The following DNAJB11 variants were observed in gnomAD, a reference collection of about 807,000 sequenced individuals.
DNAJB11 encodes the protein dnaJ homolog subfamily B member 11.
DNAJB11 carries 30 observed loss-of-function variants against 47.2 expected under a neutral mutation model. The observed-to-expected ratio is 0.64, with a 90% CI of 0.48 to 0.86. The LOEUF (loss-of-function observed/expected upper bound fraction) is 0.86. Among genes scored for constraint, DNAJB11 ranks in the 40% least tolerant of loss-of-function variants. The pLI is 0.00. For missense variants in DNAJB11, 357 were observed against 440.2 expected, an observed-to-expected ratio of 0.81 and a Z score of 1.69; for synonymous variants, 151 against 159.9, an observed-to-expected ratio of 0.94 and a Z score of 0.42.
intron 4 of DNAJB11, chr3:186,580,493 G>A (rs1355367039): frequency 6.6e-6 from 1 of 152,168 alleles, no homozygotes; most frequent in East Asian, 1.9e-4. Context: ...CCTGTAAAAT[G>A]GGGATAATAA....
At chr3:186,576,500 T>C (rs1333100945) in intron 3 of DNAJB11, among the ~76,000 whole-genome samples, 1 of 152,232 alleles carries the variant, frequency 6.6e-6, no homozygotes, top group East Asian at 1.9e-4. Flanking sequence ...CCCTGATGAT[T>C]ACATATACTA....
intron 9 of DNAJB11, among the ~76,000 whole-genome samples, chr3:186,584,811 A>G (rs1410653179): frequency 6.6e-6 from 1 of 152,214 alleles, no homozygotes; most frequent in East Asian, 1.9e-4. Flanking sequence ...GCTGTGCTTC[A>G]AAACCTAGGG....
In DNAJB11 at chr3:186,581,496, C is replaced by T. The variant is rs138789127; in HGVS notation, c.582C>T (p.Asp194=). The change falls in exon 5 of 10, where the codon GAC becomes GAT. Residue 194 remains aspartate (D), a synonymous_variant. Transcript: ENST00000265028. Reference sequence around the variant, plus strand: ...AAATGACCCAGGAGGTGGTCTGCGACGAATGCCCTAATGTCAAGTAAGTGA... The same window carrying T: ...AAATGACCCAGGAGGTGGTCTGCGATGAATGCCCTAATGTCAAGTAAGTGA... ...RFQMTQEVVC[D]ECPNVKLVNE... 3.2e-5 allele frequency: 52 copies of T among 1,612,844 alleles called. No individual in the cohort carries two copies. The highest frequency in any genetic ancestry group is 1.3e-4 in the African/African-American group (10 of 74,628).
intron 3 of DNAJB11, 26 bp from the exon 4 acceptor site, chr3:186,577,642 C>A: frequency 1.0e-5 from 13 of 1,284,448 alleles, no homozygotes; most frequent in East Asian, 3.1e-5. Context: ...TTTTTTTTTT[C>A]CTGATGATTT....
intron 6 of DNAJB11, 111 bp downstream of exon 6, chr3:186,582,188 C>A: frequency 1.2e-6 from 1 of 811,758 alleles, no homozygotes; most frequent in Non-Finnish European, 2.0e-6. Context: ...ATAGTAAACG[C>A]ATATATAATT....
Position 186,572,119 on chromosome 3 carries a change from G to A in DNAJB11, c.93G>A (p.Gly31=), listed in dbSNP as rs1187285940. The change falls in exon 2 of 10, where the codon GGG becomes GGA. Residue 31 remains glycine (G), a synonymous_variant. Transcript: ENST00000265028. ...GACGAGATTTCTATAAGATCTTGGG[G>A]GTGCCTCGAAGTGCCTCTATAAAGG... ...IAGRDFYKIL[G]VPRSASIKDI... 1.3e-6 allele frequency: 2 copies of A among 1,597,078 alleles called. No homozygotes were observed. The highest frequency in any genetic ancestry group is 2.2e-5 in the East Asian group (1 of 44,600).
Position 186,570,765 on chromosome 3 carries a change from T to A in DNAJB11, c.-133T>A, listed in dbSNP as rs1395130388. 7.8e-6 allele frequency: 6 copies of A among 769,636 alleles called. No individual in the cohort carries two copies. Among genetic ancestry groups the A allele is most frequent in the Non-Finnish European group, 1.3e-5 (6 of 466,498 alleles). The allele number at this position is 769,636 out of a possible 1,614,324, so 47.7% of individuals were successfully genotyped here. A position where few individuals can be genotyped will look rare whatever the true frequency, so the allele number is the denominator to read the frequency against. On this transcript the variant is annotated 5_prime_UTR_variant, in exon 1 of 10. Transcript: ENST00000265028. ...CAGAAGAGGGGGCTAGCTAGCTGTC[T>A]CTGCGGACCAAGGAGACCCCCGCGC...
chr3:186,572,336 C>A, intron 2 of DNAJB11, 85 bp downstream of exon 2: 1 of 1,228,030 alleles, frequency 8.1e-7, no homozygotes, highest in Non-Finnish European at 1.1e-6. Flanking sequence ...CCTTTCAGCT[C>A]ACATTTATTT....
chr3:186,582,977 CA>C (rs760337046), intron 7 of DNAJB11, among the ~76,000 whole-genome samples: 6 of 151,940 alleles, frequency 3.9e-5, no homozygotes, highest in Non-Finnish European at 7.4e-5. Flanking sequence ...CTTAAAAATG[CA>C]AAAGATGTTG....
intron 2 of DNAJB11, among the ~76,000 whole-genome samples, chr3:186,574,973 GT>G (rs3836540): frequency 1.3e-5 from 2 of 151,434 alleles, no homozygotes; most frequent in African/African-American, 2.4e-5. Context: ...AAAAGAGAAA[GT>G]TTTTTTTTGC....
rs745798342 is a variant in DNAJB11, at chr3:186,584,617, G to GTGTGTGTGTGTGTGTGTT, written c.1012+33_1012+34insGTGTGTGTGTGTTTGTGT. On this transcript the variant is annotated intron_variant, in intron 9 of 9. Transcript: ENST00000265028. ...ATGGCATATTAGTGTGTGTGTGTGTGTGTGTTTGTGTGTGTGTATGTGTGT... is the reference window on the plus strand; with the variant it reads ...ATGGCATATTAGTGTGTGTGTGTGTGTGTGTGTGTGTGTGTGTTTGTGTTTGTGTGTGTGTATGTGTGT... The GTGTGTGTGTGTGTGTGTT allele has an allele frequency of 3.3e-6, 5 of 1,513,752 alleles. No homozygotes were observed. The African/African-American group carries it at 7.3e-5, about 22-fold the overall frequency. The allele number at this position is 1,513,752 out of a possible 1,614,324, so 93.8% of individuals were successfully genotyped here.
At chr3:186,575,368 CGTGTGT>C (rs3051602) in intron 2 of DNAJB11, among the ~76,000 whole-genome samples, 86 of 143,370 alleles carry the variant, frequency 6.0e-4, no homozygotes, top group Middle Eastern at 3.6e-3. Flanking sequence ...CGCGCGCGCG[CGTGTGT>C]GTGTGTGTGT....
intron 8 of DNAJB11, 27 bp from the exon 9 acceptor site, chr3:186,584,403 T>G: frequency 6.6e-7 from 1 of 1,522,258 alleles, no homozygotes; most frequent in Non-Finnish European, 8.8e-7. Flanking sequence ...CCGCTCCTGC[T>G]GCAGTACATT....
At chr3:186,576,087 A>T in intron 3 of DNAJB11, 150 bp downstream of exon 3, 1 of 595,150 alleles carries the variant, frequency 1.7e-6, no homozygotes, top group Non-Finnish European at 2.9e-6. Context: ...CCCTGTGGGA[A>T]GATAGTCTTC....
chr3:186,575,804 C>T, intron 2 of DNAJB11, 36 bp from the exon 3 acceptor site: 4 of 1,532,940 alleles, frequency 2.6e-6, no homozygotes, highest in Non-Finnish European at 3.6e-6. Context: ...ATATTACCAA[C>T]TCATGATCTT....
Position 186,584,461 on chromosome 3 carries a change from C to A in DNAJB11, c.884C>A (p.Pro295Gln). ...ATTTCCCGGGATAAGATCACCAGGC[C>A]AGGAGCGAAGCTATGGAAGAAAGGG... ...VHISRDKITR[P>Q]GAKLWKKGEG... Residue 295 changes from proline to glutamine, a missense_variant, in exon 9 of 10, where the codon CCA (proline) becomes CAA (glutamine). By Grantham distance (76) the Pro-to-Gln change is moderately conservative (BLOSUM62 -1). Coordinates refer to ENST00000265028, the MANE Select transcript of DNAJB11 (RefSeq NM_016306.6). 1 of 1,581,048 alleles carries A rather than the reference C, an allele frequency of 6.3e-7. No homozygotes were observed. Among genetic ancestry groups the A allele is most frequent in the South Asian group, 1.2e-5 (1 of 85,736 alleles).
At chr3:186,573,487 G>A (rs1053052058) in intron 2 of DNAJB11, among the ~76,000 whole-genome samples, 6 of 151,988 alleles carry the variant, frequency 3.9e-5, no homozygotes, top group African/African-American at 7.3e-5. Context: ...TGGGTTTTAC[G>A]CCATTCTCCT....
chr3:186,572,181 T>C lies in DNAJB11; in HGVS notation c.155T>C (p.Leu52Pro). The change falls in exon 2 of 10, where the codon CTT becomes CCT. Residue 52 changes from leucine (L) to proline (P), a missense_variant. Coordinates refer to ENST00000265028, the MANE Select transcript of DNAJB11 (RefSeq NM_016306.6). ...GCCTATAGGAAACTAGCCCTGCAGC[T>C]TCATCCCGACCGGAACCCTGATGAT... ...KKAYRKLALQ[L>P]HPDRNPDDPQ... 6.2e-7 allele frequency: 1 copy of C among 1,614,060 alleles called. No individual in the cohort carries two copies. The highest frequency in any genetic ancestry group is 8.5e-7 in the Non-Finnish European group (1 of 1,179,988).
At chr3:186,581,639 A>G in intron 5 of DNAJB11, 126 bp downstream of exon 5, 1 of 1,107,156 alleles carries the variant, frequency 9.0e-7, no homozygotes, top group Admixed American at 3.0e-5. Context: ...CTGCAAAAGG[A>G]TAGAGCAAAA....
Sources: gnomAD v4.1 joint callset for allele counts (sites outside exome capture counted in the v4.1 genomes callset) on GRCh38, gnomAD v4.1.1 for gene constraint, MANE v1.5 for transcripts, NCBI Gene and HGNC (gene_info 2026-07-23, HGNC 2026-07-21) for gene names.